ARHGEF10: variants seen among roughly 807,000 people sequenced by gnomAD.
The protein encoded by ARHGEF10 is Rho guanine nucleotide exchange factor (GEF) 10.
In ARHGEF10, 140 loss-of-function variants were observed where a neutral mutation model predicts 147.4. The observed-to-expected ratio is 0.95, with a 90% CI of 0.83 to 1.09. The LOEUF (loss-of-function observed/expected upper bound fraction) is 1.09. Ranked by LOEUF, ARHGEF10 falls within the 50% of genes least tolerant of loss-of-function variation. ARHGEF10 has a pLI of 0.00. For missense variants in ARHGEF10, 2,222 were observed against 1,752.7 expected, an observed-to-expected ratio of 1.27 and a Z score of -4.78; for synonymous variants, 902 against 695.8, an observed-to-expected ratio of 1.30 and a Z score of -4.67.
At chr8:1,907,108 A>G (rs1810958218) in intron 17 of ARHGEF10, among the ~76,000 whole-genome samples, 1 of 151,932 alleles carries the variant, frequency 6.6e-6, no homozygotes, top group South Asian at 2.1e-4. Context: ...CAGCTGGAGA[A>G]CTCCAGGTGT....
intron 26 of ARHGEF10, among the ~76,000 whole-genome samples, chr8:1,938,823 C>T (rs974502342): frequency 1.3e-5 from 2 of 152,062 alleles, no homozygotes; most frequent in African/African-American, 2.4e-5. Flanking sequence ...GCCAGAGATC[C>T]CCGAACACTG....
intron 5 of ARHGEF10, 22 bp downstream of exon 5, chr8:1,864,458 C>G: frequency 6.2e-7 from 1 of 1,609,716 alleles, no homozygotes; most frequent in South Asian, 1.1e-5. Flanking sequence ...CGTCTTCCCA[C>G]ACCTGCTGAA....
intron 1 of ARHGEF10, among the ~76,000 whole-genome samples, chr8:1,840,692 TTGAGGTTTCCTCCCA>T (rs1387130055): frequency 7.8e-6 from 1 of 128,492 alleles, no homozygotes; most frequent in Non-Finnish European, 1.7e-5. Flanking sequence ...GCACTTGTCT[TTGAGGTTTCCTCCCA>T]TGAGCGTCAT....
At chr8:1,945,948 G>C (rs1350440544) in intron 27 of ARHGEF10, 2 of 341,848 alleles carry the variant, frequency 5.9e-6, no homozygotes, top group East Asian at 6.3e-5. Flanking sequence ...GTCAGAGTGG[G>C]TGGGAGACGA....
rs941937839 is a variant in ARHGEF10 at position 1,925,220 on chromosome 8, C to T, written c.2489-63C>T. ...ACTTCCCCTGCTATGACCTGTGGAG[C>T]TGCAGGTCTTTGCATGTGAGTTAAC... On this transcript the variant is annotated intron_variant, in intron 21 of 28. Transcript: ENST00000349830. 4.4e-6 allele frequency: 7 copies of T among 1,607,664 alleles called. No homozygotes were observed. In the Admixed American group the frequency reaches 6.7e-5, roughly 15 times the overall value.
At chr8:1,842,695 CGT>C (rs1476032082) in intron 1 of ARHGEF10, among the ~76,000 whole-genome samples, 6 of 152,230 alleles carry the variant, frequency 3.9e-5, no homozygotes, top group East Asian at 3.9e-4. Context: ...GAGCCAGGCC[CGT>C]GTTTTGTGGT....
intron 1 of ARHGEF10, among the ~76,000 whole-genome samples, chr8:1,840,104 A>G (rs1331306474): frequency 1.1e-5 from 1 of 94,980 alleles, no homozygotes; most frequent in Non-Finnish European, 2.1e-5. Context: ...CCGGTGTGGA[A>G]TCTGTCCGGT....
At chr8:1,842,090 G>A (rs1295396432) in intron 1 of ARHGEF10, among the ~76,000 whole-genome samples, 2 of 150,674 alleles carry the variant, frequency 1.3e-5, no homozygotes, top group Non-Finnish European at 1.5e-5. Flanking sequence ...GGGCCGCGAG[G>A]CGCCGAACCA....
Position 1,823,972 on chromosome 8 carries a change from G to T in ARHGEF10, c.-189G>T, listed in dbSNP as rs1253337368. The stretch of plus-strand genomic sequence containing the variant: ...AGCCGGCGGGCGCGCGATCCGGGAC[G>T]GACGGGGTCGCGGGGGACGCGGGGG... On this transcript the variant is annotated 5_prime_UTR_variant, in exon 1 of 29. Transcript: ENST00000349830. 7.1e-6 allele frequency: 1 copy of T among 141,628 alleles called. No individual in the cohort carries two copies. The highest frequency in any genetic ancestry group is 2.1e-4 in the East Asian group (1 of 4,732). 8.8% of individuals were successfully genotyped at this position (141,628 alleles called of 1,614,324 possible).
intron 1 of ARHGEF10, chr8:1,825,966 A>T: frequency 1.5e-6 from 1 of 681,478 alleles, no homozygotes; most frequent in Non-Finnish European, 2.5e-6. Flanking sequence ...AATAATTTTT[A>T]TTCGAAAAGA....
chr8:1,914,722 A>G (rs1337816177), intron 18 of ARHGEF10, among the ~76,000 whole-genome samples: 1 of 152,150 alleles, frequency 6.6e-6, no homozygotes, highest in Admixed American at 6.5e-5. Context: ...TGTACTGTAA[A>G]ACAGCACGTG....
rs559908722 is a variant in ARHGEF10 at position 1,889,419 on chromosome 8, G to A, written c.1182+3712G>A. The stretch of plus-strand genomic sequence containing the variant: ...TGAGGCATCTGTGAGGAGACACTGA[G>A]TGGGGTGAGGGGTCTGTGAGGAGAC... On this transcript the variant is annotated intron_variant, in intron 11 of 28. Transcript: ENST00000349830. 1.2e-4 allele frequency among the ~76,000 whole-genome samples: 9 copies of A among 78,110 alleles called. 1 individual carries two copies. Among genetic ancestry groups the A allele is most frequent in the East Asian group, 1.0e-3 (2 of 1,930 alleles). 51.2% of individuals were successfully genotyped at this position (78,110 alleles called of 152,430 possible).
intron 7 of ARHGEF10, 192 bp from the exon 8 acceptor site, chr8:1,876,379 C>A (rs1807702559): frequency 3.1e-6 from 2 of 639,312 alleles, no homozygotes; most frequent in Non-Finnish European, 5.5e-6. Flanking sequence ...GCCTCCCCGG[C>A]CCTGCCCGGG....
rs1585556107 is a variant in ARHGEF10 at position 1,923,760 on chromosome 8, G to A, written c.2388-14G>A. On this transcript the variant is annotated splice_polypyrimidine_tract_variant and intron_variant, in intron 20 of 28. Coordinates refer to ENST00000349830, the MANE Select transcript of ARHGEF10 (RefSeq NM_014629.4). ...CGTTTTATAAAATGAATGCTTGTCT[G>A]TTGTTTCTGGCAGATCTGGGCGACC... 3.1e-6 allele frequency: 5 copies of A among 1,614,172 alleles called. No individual in the cohort carries two copies. Among genetic ancestry groups the A allele is most frequent in the Non-Finnish European group, 2.5e-6 (3 of 1,180,004 alleles).
chr8:1,911,369 C>T (rs1028865291), intron 18 of ARHGEF10, among the ~76,000 whole-genome samples: 1 of 152,054 alleles, frequency 6.6e-6, no homozygotes, highest in Admixed American at 6.5e-5. Context: ...ATCTTTTTGC[C>T]CAATGCCTTA....
At chr8:1,902,507 T>C (rs903894492) in intron 15 of ARHGEF10, among the ~76,000 whole-genome samples, 11 of 152,154 alleles carry the variant, frequency 7.2e-5, no homozygotes, top group African/African-American at 2.7e-4. Context: ...CTCCCTTTTT[T>C]TAAAGACTAC....
At position 1,871,790 on chromosome 8, in the gene ARHGEF10, C is replaced by A. The variant is rs575846059; in HGVS notation, c.679+2540C>A. On this transcript the variant is annotated intron_variant, in intron 7 of 28. Transcript: ENST00000349830. ...CGAGGTTGCACCACTACACTCCAGCCTGGGCAACAGAGCGAGACTCCCTCT... is the reference window on the plus strand; with the variant it reads ...CGAGGTTGCACCACTACACTCCAGCATGGGCAACAGAGCGAGACTCCCTCT... Among the ~76,000 whole-genome samples the A allele has an allele frequency of 4.6e-5, 7 of 152,260 alleles. No homozygotes were observed. The South Asian group carries it at 1.5e-3, about 32-fold the overall frequency.
chr8:1,842,946 AG>A (rs1005405500), intron 1 of ARHGEF10, among the ~76,000 whole-genome samples: 147 of 152,292 alleles, frequency 9.7e-4, no homozygotes, highest in Middle Eastern at 3.4e-3. Context: ...AGGAGTGGAG[AG>A]GGCCGTCAGC....
rs906589679 is a variant in ARHGEF10, at chr8:1,880,887, G to T, written c.960+723G>T. On this transcript the variant is annotated intron_variant, in intron 9 of 28. Transcript: ENST00000349830. The stretch of plus-strand genomic sequence containing the variant: ...CTGGAGCAGCCGGCTCATCCGCCCT[G>T]TTGTGCTTGGGCCATCAGAAGCCAC... Among the ~76,000 whole-genome samples, 5 of 152,218 alleles carry T rather than the reference G, an allele frequency of 3.3e-5. No individual in the cohort carries two copies. The South Asian group carries it at 1.0e-3, about 31-fold the overall frequency.
Sources: gnomAD v4.1 joint callset for allele counts (sites outside exome capture counted in the v4.1 genomes callset) on GRCh38, gnomAD v4.1.1 for gene constraint, MANE v1.5 for transcripts, NCBI Gene and HGNC (gene_info 2026-07-23, HGNC 2026-07-21) for gene names.